The following LTBP1 variants were observed in gnomAD, a reference collection of about 807,000 sequenced individuals.
LTBP1 encodes latent-transforming growth factor beta-binding protein 1.
Under a neutral mutation model 207.6 loss-of-function variants are expected in LTBP1, and 129 were observed. The observed-to-expected ratio is 0.62, with a 90% CI of 0.54 to 0.72. LTBP1 has a LOEUF of 0.72. Among genes scored for constraint, LTBP1 ranks in the 30% least tolerant of loss-of-function variants. The probability of loss-of-function intolerance (pLI) is 0.00; values close to 1 mark genes in which losing one functional copy is unlikely to be tolerated. For missense variants in LTBP1, 2,281 were observed against 2,217.2 expected (o/e 1.03, Z -0.58); for synonymous variants, 963 against 833.7 (o/e 1.16, Z -2.67).
chr2:33,237,232 G>A (rs970347274), intron 9 of LTBP1, among the ~76,000 whole-genome samples: 1 of 152,172 alleles, frequency 6.6e-6, no homozygotes, highest in Non-Finnish European at 1.5e-5. Flanking sequence ...GAAAAACCAA[G>A]TTAAACACAG....
intron 3 of LTBP1, among the ~76,000 whole-genome samples, chr2:33,069,886 A>G (rs1370883408): frequency 1.3e-5 from 2 of 152,208 alleles, no homozygotes; most frequent in Admixed American, 6.5e-5. Flanking sequence ...TCAACAGCTC[A>G]CAGTCTGAGG....
intron 7 of LTBP1, among the ~76,000 whole-genome samples, chr2:33,215,731 T>TC (rs1002200381): frequency 6.7e-6 from 1 of 149,852 alleles, no homozygotes; most frequent in Non-Finnish European, 1.5e-5. Context: ...TTGTTTTTTT[T>TC]TTTTGAGATA....
intron 2 of LTBP1, among the ~76,000 whole-genome samples, chr2:32,975,532 T>G (rs115760968): frequency 4.8e-4 from 73 of 151,218 alleles, no homozygotes; most frequent in African/African-American, 1.7e-3. Flanking sequence ...GAGTCATAGA[T>G]TTGGTCCCTT....
At chr2:33,273,818 C>A in intron 16 of LTBP1, 37 bp downstream of exon 16, 6 of 1,549,458 alleles carry the variant, frequency 3.9e-6, no homozygotes, top group South Asian at 2.5e-5. Flanking sequence ...TATTAAATAT[C>A]AAACATTTGA....
At chr2:33,159,002 GA>G (rs2148052652) in intron 5 of LTBP1, among the ~76,000 whole-genome samples, 1 of 152,306 alleles carries the variant, frequency 6.6e-6, no homozygotes, top group African/African-American at 2.4e-5. Context: ...TAAGTGAGAT[GA>G]AAATACCTAT....
chr2:33,160,213 A>C (rs1185404231), intron 5 of LTBP1, among the ~76,000 whole-genome samples: 1 of 152,184 alleles, frequency 6.6e-6, no homozygotes, highest in Non-Finnish European at 1.5e-5. Flanking sequence ...CCAGAGAAAG[A>C]ATTCAACTTT....
chr2:33,220,797 A>G (rs1317694730), intron 8 of LTBP1, among the ~76,000 whole-genome samples: 6 of 152,210 alleles, frequency 3.9e-5, no homozygotes, highest in African/African-American at 1.4e-4. Flanking sequence ...CCACACGCCC[A>G]TATCTCCCGT....
intron 31 of LTBP1, among the ~76,000 whole-genome samples, chr2:33,383,795 C>T (rs2095242315): frequency 6.6e-6 from 1 of 152,204 alleles, no homozygotes; most frequent in Non-Finnish European, 1.5e-5. Flanking sequence ...CCTCAGCCTC[C>T]CAAAGTGCTG....
At chr2:33,204,806 C>G (rs940863771) in intron 7 of LTBP1, among the ~76,000 whole-genome samples, 11 of 152,146 alleles carry the variant, frequency 7.2e-5, no homozygotes, top group Admixed American at 1.3e-4. Context: ...ATTTGACCTT[C>G]AAAACAATCA....
chr2:33,078,194 T>A (rs1458719372), intron 3 of LTBP1, among the ~76,000 whole-genome samples: 1 of 152,204 alleles, frequency 6.6e-6, no homozygotes, highest in Non-Finnish European at 1.5e-5. Context: ...AACTTGGTGT[T>A]AATCACAGAG....
intron 2 of LTBP1, among the ~76,000 whole-genome samples, chr2:32,963,169 A>G (rs545775755): frequency 5.9e-5 from 9 of 152,290 alleles, no homozygotes; most frequent in Admixed American, 4.6e-4. Context: ...GAACCTTGCA[A>G]TCGGATAAGA....
At chr2:33,008,812 G>A (rs1687284656) in intron 2 of LTBP1, among the ~76,000 whole-genome samples, 1 of 152,192 alleles carries the variant, frequency 6.6e-6, no homozygotes, top group Non-Finnish European at 1.5e-5. Context: ...TTTGGGAAGG[G>A]CAGCCCCAGA....
intron 2 of LTBP1, among the ~76,000 whole-genome samples, chr2:32,980,366 T>A (rs892071808): frequency 6.6e-6 from 1 of 152,178 alleles, no homozygotes; most frequent in African/African-American, 2.4e-5. Flanking sequence ...AGATACTGTC[T>A]TATAAACATT....
At chr2:33,316,862 T>C (rs757670771) in intron 24 of LTBP1, among the ~76,000 whole-genome samples, 7 of 152,172 alleles carry the variant, frequency 4.6e-5, no homozygotes, top group Non-Finnish European at 7.3e-5. Flanking sequence ...TCTAGAAGGA[T>C]GCAGGTTTGC....
At chr2:33,361,797 A>G (rs562622807) in intron 28 of LTBP1, among the ~76,000 whole-genome samples, 1 of 152,326 alleles carries the variant, frequency 6.6e-6, no homozygotes, top group South Asian at 2.1e-4. Context: ...ATTAAGATAT[A>G]TATCTGAAAG....
chr2:33,275,706 A>C (rs1054674853), intron 17 of LTBP1, 95 bp from the exon 18 acceptor site: 61 of 1,453,532 alleles, frequency 4.2e-5, no homozygotes, highest in Non-Finnish European at 5.5e-5. Context: ...GAAATCAGTT[A>C]CTTCGTTATT....
intron 3 of LTBP1, among the ~76,000 whole-genome samples, chr2:33,077,754 T>G (rs2078165747): frequency 6.6e-6 from 1 of 152,208 alleles, no homozygotes; most frequent in Non-Finnish European, 1.5e-5. Flanking sequence ...TACTTTTATT[T>G]ACAAACCAAG....
intron 3 of LTBP1, among the ~76,000 whole-genome samples, chr2:33,084,741 A>G (rs551307151): frequency 2.0e-5 from 3 of 152,194 alleles, no homozygotes; most frequent in African/African-American, 7.2e-5. Context: ...CATTATTCAG[A>G]TTGTACCACC....
intron 2 of LTBP1, among the ~76,000 whole-genome samples, chr2:33,014,032 G>A (rs192863349): frequency 3.9e-4 from 59 of 152,290 alleles, no homozygotes; most frequent in Admixed American, 3.8e-3. Flanking sequence ...TGGAAAGAAT[G>A]CTTGTGTGAC....
Sources: gnomAD v4.1 joint callset for allele counts (sites outside exome capture counted in the v4.1 genomes callset) on GRCh38, gnomAD v4.1.1 for gene constraint, MANE v1.5 for transcripts, NCBI Gene and HGNC (gene_info 2026-07-23, HGNC 2026-07-21) for gene names.